PSME4: variants seen among roughly 807,000 people sequenced by gnomAD.
The protein encoded by PSME4 is proteasome activator complex subunit 4.
Under a neutral mutation model 253.9 loss-of-function variants are expected in PSME4, and 89 were observed. The ratio of observed to expected loss-of-function variants is 0.35; its 90% confidence interval spans 0.30 to 0.42. The LOEUF (loss-of-function observed/expected upper bound fraction) is 0.42. Among genes scored for constraint, PSME4 ranks in the 10% least tolerant of loss-of-function variants. The pLI, the probability that PSME4 is intolerant of heterozygous loss-of-function variation, is 1.00. For synonymous variants in PSME4, 851 were observed against 759.2 expected (o/e 1.12, Z -1.99); for missense variants, 2,014 against 2,195.2 (o/e 0.92, Z 1.65).
chr2:53,919,345 A>G, intron 19 of PSME4, 99 bp from the exon 20 acceptor site: 9 of 1,389,772 alleles, frequency 6.5e-6, no homozygotes, highest in Non-Finnish European at 8.5e-6. Flanking sequence ...GATATAAATG[A>G]TTAAGGTAAA....
rs774053691 is a variant in PSME4 at position 53,901,573 on chromosome 2, A to AAT, written c.3076-16_3076-15dup. 21 of 1,585,670 alleles carry AAT rather than the reference A, an allele frequency of 1.3e-5. 1 individual carries two copies. Among genetic ancestry groups the AAT allele is most frequent in the Middle Eastern group, 1.7e-4 (1 of 5,868 alleles). ...GTACAAGGCACCCTGCAGAAAAAAA[A>AAT]ATATATATATGTTTACATGGGAAAT... On this transcript the variant is annotated splice_polypyrimidine_tract_variant and intron_variant, in intron 27 of 46. Transcript: ENST00000404125.
At chr2:53,876,526 T>C (rs1679128204) in intron 41 of PSME4, among the ~76,000 whole-genome samples, 1 of 151,884 alleles carries the variant, frequency 6.6e-6, no homozygotes. Flanking sequence ...TGATAATCCA[T>C]TATAAAAAGA....
chr2:53,941,008 G>T (rs1307257374), intron 3 of PSME4, among the ~76,000 whole-genome samples: 1 of 84,308 alleles, frequency 1.2e-5, no homozygotes, highest in Non-Finnish European at 2.5e-5. Context: ...TATGAAAGGA[G>T]TAAGTTTCAG....
intron 41 of PSME4, among the ~76,000 whole-genome samples, chr2:53,883,326 A>C (rs1475665662): frequency 6.6e-6 from 1 of 152,156 alleles, no homozygotes; most frequent in Non-Finnish European, 1.5e-5. Context: ...ATGAGACCCC[A>C]TCTCTACAAA....
intron 1 of PSME4, among the ~76,000 whole-genome samples, chr2:53,969,751 T>A (rs996705529): frequency 6.7e-6 from 1 of 149,922 alleles, no homozygotes; most frequent in Non-Finnish European, 1.5e-5. Flanking sequence ...CAAACAGAAC[T>A]CCTGAAACTG....
chr2:53,917,915 A>G (rs186860906), intron 20 of PSME4, among the ~76,000 whole-genome samples: 2 of 152,352 alleles, frequency 1.3e-5, no homozygotes. Flanking sequence ...GTTCTTTAAA[A>G]AGAATTCGGC....
chr2:53,878,399 T>G (rs191778985), intron 41 of PSME4, among the ~76,000 whole-genome samples: 1 of 152,188 alleles, frequency 6.6e-6, no homozygotes, highest in Non-Finnish European at 1.5e-5. Flanking sequence ...TTGCACAAAT[T>G]GTTTAAACAA....
intron 3 of PSME4, among the ~76,000 whole-genome samples, chr2:53,943,964 G>T (rs1669582018): frequency 6.6e-6 from 1 of 151,880 alleles, no homozygotes; most frequent in South Asian, 2.1e-4. Flanking sequence ...TAGGGCAAGG[G>T]TTAGGAAATT....
At chr2:53,925,020 T>C (rs1294257958) in intron 14 of PSME4, among the ~76,000 whole-genome samples, 2 of 152,234 alleles carry the variant, frequency 1.3e-5, no homozygotes, top group African/African-American at 4.8e-5. Flanking sequence ...ACATAACTCA[T>C]GCCTGTTGAC....
intron 4 of PSME4, 106 bp downstream of exon 4, chr2:53,939,850 A>G (rs1669303863): frequency 1.1e-6 from 1 of 930,050 alleles, no homozygotes; most frequent in Non-Finnish European, 1.6e-6. Flanking sequence ...TAACATCACA[A>G]TGTCAGGAAC....
At chr2:53,877,621 G>A (rs899828920) in intron 41 of PSME4, among the ~76,000 whole-genome samples, 1 of 152,152 alleles carries the variant, frequency 6.6e-6, no homozygotes, top group African/African-American at 2.4e-5. Context: ...GCAAAAGGTA[G>A]AATAGGGTGA....
intron 36 of PSME4, among the ~76,000 whole-genome samples, chr2:53,891,658 G>A (rs749244304): frequency 5.3e-5 from 8 of 151,808 alleles, no homozygotes; most frequent in African/African-American, 1.5e-4. Context: ...CCAGGAGTTC[G>A]AGACCAGCCT....
At position 53,895,670 on chromosome 2, in the gene PSME4, T is replaced by A. The variant is rs375364871; in HGVS notation, c.3755A>T (p.Asp1252Val). 6.2e-7 allele frequency: 1 copy of A among 1,613,480 alleles called. No homozygotes were observed. The change falls in exon 33 of 47, where the codon GAC (aspartate) becomes GTC (valine). Residue 1252 changes from aspartate to valine, a missense_variant. By Grantham distance (152) the Asp-to-Val change is radical. Coordinates refer to ENST00000404125, the MANE Select transcript of PSME4 (RefSeq NM_014614.3). The part of the protein sequence containing the change: ...DRPDNHWLHY[D>V]SKTIPRTKKE... Reference sequence around the variant, plus strand: ...TTTAGTTCTTGGTATAGTTTTGCTGTCATAATGCAACCAATGATTATCAGG... The same window carrying A: ...TTTAGTTCTTGGTATAGTTTTGCTGACATAATGCAACCAATGATTATCAGG...
intron 43 of PSME4, among the ~76,000 whole-genome samples, chr2:53,871,598 G>C (rs1218161607): frequency 6.6e-6 from 1 of 152,152 alleles, no homozygotes; most frequent in African/African-American, 2.4e-5. Flanking sequence ...TGAGTAGTCA[G>C]ATCTGTGCAT....
At chr2:53,943,631 C>G (rs1244791653) in intron 3 of PSME4, among the ~76,000 whole-genome samples, 1 of 151,836 alleles carries the variant, frequency 6.6e-6, no homozygotes, top group East Asian at 1.9e-4. Flanking sequence ...ACGTGAGGTC[C>G]AGAGTTCAAG....
At chr2:53,958,174 A>G (rs1670319042) in intron 1 of PSME4, among the ~76,000 whole-genome samples, 1 of 145,794 alleles carries the variant, frequency 6.9e-6, no homozygotes, top group African/African-American at 2.6e-5. Context: ...CGACAGAGAA[A>G]GACTCTGTCA....
chr2:53,949,126 T>A lies in PSME4; in HGVS notation c.383+17A>T. On this transcript the variant is annotated intron_variant, in intron 2 of 46. Transcript: ENST00000404125. ...AAACAAACAAACCTTAACAGAAACC[T>A]CTGGAAAAAGACTTACTTTAACAAG... The A allele has an allele frequency of 6.4e-7, 1 of 1,573,694 alleles. No individual in the cohort carries two copies. The highest frequency in any genetic ancestry group is 8.6e-7 in the Non-Finnish European group (1 of 1,160,162).
At position 53,970,744 on chromosome 2, in the gene PSME4, T is replaced by G; in HGVS notation, c.41A>C (p.Glu14Ala). Residue 14 changes from glutamate to alanine, a missense_variant, in exon 1 of 47, where the codon GAG becomes GCG. Coordinates refer to ENST00000404125, the MANE Select transcript of PSME4 (RefSeq NM_014614.3). The part of the protein sequence containing the change: ...AERAGVGEPP[E>A]PGGRPEPGPR... ...GCCCGGCTCGGGACGCCCGCCCGGC[T>G]CCGGGGGCTCTCCGACTCCCGCCCG... 1 of 1,545,116 alleles carries G rather than the reference T, an allele frequency of 6.5e-7. No individual in the cohort carries two copies. Among genetic ancestry groups the G allele is most frequent in the Non-Finnish European group, 8.7e-7 (1 of 1,145,246 alleles).
intron 10 of PSME4, among the ~76,000 whole-genome samples, chr2:53,930,845 A>T (rs977509405): frequency 5.3e-5 from 8 of 152,248 alleles, no homozygotes; most frequent in Non-Finnish European, 1.0e-4. Flanking sequence ...TCTGGGTTCT[A>T]AAAACTAACA....
Sources: allele counts gnomAD v4.1 joint callset (sites outside exome capture counted in the v4.1 genomes callset), GRCh38; gene constraint gnomAD v4.1.1; transcripts MANE v1.5; gene names NCBI Gene and HGNC (gene_info 2026-07-23, HGNC 2026-07-21).